CRISPLD2: variants seen among roughly 807,000 people sequenced by gnomAD.
CRISPLD2 encodes cysteine-rich secretory protein LCCL domain-containing 2.
Under a neutral mutation model 71.1 loss-of-function variants are expected in CRISPLD2, and 47 were observed. The observed-to-expected ratio is 0.66, with a 90% CI of 0.52 to 0.84. The LOEUF (loss-of-function observed/expected upper bound fraction) is 0.84. Ranked by LOEUF, CRISPLD2 falls within the 40% of genes least tolerant of loss-of-function variation. The probability of loss-of-function intolerance (pLI) is 0.00; values close to 1 mark genes in which losing one functional copy is unlikely to be tolerated. For synonymous variants in CRISPLD2, 317 were observed against 250.1 expected, an observed-to-expected ratio of 1.27 and a Z score of -2.52; for missense variants, 830 against 651.1, an observed-to-expected ratio of 1.27 and a Z score of -2.99.
intron 2 of CRISPLD2, among the ~76,000 whole-genome samples, chr16:84,842,439 A>G (rs1197471188): frequency 7.0e-6 from 1 of 142,744 alleles, no homozygotes; most frequent in Non-Finnish European, 1.5e-5. Context: ...CAGTGGTGCT[A>G]TCTCGGCTCA....
intron 3 of CRISPLD2, among the ~76,000 whole-genome samples, chr16:84,849,009 G>A (rs531411277): frequency 1.3e-5 from 2 of 150,652 alleles, no homozygotes; most frequent in South Asian, 4.2e-4. Context: ...AAAAAGAAAG[G>A]ACTCATTAAG....
chr16:84,880,356 A>G (rs1424352124), intron 12 of CRISPLD2, among the ~76,000 whole-genome samples, 153 bp from the exon 13 acceptor site: 1 of 151,866 alleles, frequency 6.6e-6, no homozygotes. Context: ...CTGAGGGGGG[A>G]GAAGTATTGT....
intron 4 of CRISPLD2, 32 bp from the exon 5 acceptor site, chr16:84,850,536 C>G (rs372647970): frequency 3.8e-6 from 6 of 1,584,578 alleles, no homozygotes; most frequent in African/African-American, 2.7e-5. Context: ...CCTTATCCCT[C>G]GAGCTGTGAC....
chr16:84,825,478 C>T (rs943587264), intron 1 of CRISPLD2, among the ~76,000 whole-genome samples: 1 of 152,142 alleles, frequency 6.6e-6, no homozygotes, highest in Non-Finnish European at 1.5e-5. Flanking sequence ...AAGAAAGGCC[C>T]AGCGCAGTGG....
chr16:84,902,362 C>T (rs1005095169), intron 14 of CRISPLD2, among the ~76,000 whole-genome samples: 6 of 151,828 alleles, frequency 4.0e-5, no homozygotes, highest in Admixed American at 3.9e-4. Context: ...GTAATTCCAG[C>T]ACTTTGGGAG....
intron 2 of CRISPLD2, chr16:84,839,013 G>A (rs1916703252): frequency 1.8e-6 from 1 of 559,364 alleles, no homozygotes; most frequent in African/African-American, 1.8e-5. Context: ...AGCCTCCCAA[G>A]TAGCTGGAAC....
chr16:84,882,584 T>C (rs1567700282), intron 13 of CRISPLD2, among the ~76,000 whole-genome samples: 1 of 152,076 alleles, frequency 6.6e-6, no homozygotes, highest in Non-Finnish European at 1.5e-5. Flanking sequence ...TTTGTATTTT[T>C]AGTAGAGACG....
chr16:84,855,311 A>C (rs937364367), intron 6 of CRISPLD2, among the ~76,000 whole-genome samples: 1 of 152,166 alleles, frequency 6.6e-6, no homozygotes, highest in Non-Finnish European at 1.5e-5. Context: ...TTTATTAAGG[A>C]GTATTAAACT....
chr16:84,844,634 A>T (rs1355713871), intron 2 of CRISPLD2, among the ~76,000 whole-genome samples: 2 of 151,944 alleles, frequency 1.3e-5, no homozygotes, highest in African/African-American at 4.8e-5. Flanking sequence ...AAGTTCTGGG[A>T]TTACAGGCGT....
chr16:84,903,922 G>A (rs1012230889), intron 14 of CRISPLD2, among the ~76,000 whole-genome samples: 1 of 152,248 alleles, frequency 6.6e-6, no homozygotes, highest in Non-Finnish European at 1.5e-5. Flanking sequence ...TCCTGTGGCT[G>A]GAAGTTCTAC....
chr16:84,890,109 A>C (rs1478116852), intron 14 of CRISPLD2, among the ~76,000 whole-genome samples: 1 of 152,202 alleles, frequency 6.6e-6, no homozygotes, highest in African/African-American at 2.4e-5. Flanking sequence ...CTGTAATCCC[A>C]GCACTTTGGG....
chr16:84,868,766 TCCAGAATGTCCC>T, intron 7 of CRISPLD2, 73 bp from the exon 8 acceptor site: 1 of 1,094,070 alleles, frequency 9.1e-7, no homozygotes, highest in Non-Finnish European at 1.4e-6. Context: ...TGCAGAATGT[TCCAGAATGTCCC>T]TCAGCATGGG....
chr16:84,845,684 G>T, intron 2 of CRISPLD2, 102 bp from the exon 3 acceptor site: 1 of 799,044 alleles, frequency 1.3e-6, no homozygotes. Flanking sequence ...AGCATTGGCT[G>T]TAGGCTCCAC....
At chr16:84,861,699 T>G (rs1221358651) in intron 6 of CRISPLD2, among the ~76,000 whole-genome samples, 1 of 152,090 alleles carries the variant, frequency 6.6e-6, no homozygotes, top group African/African-American at 2.4e-5. Flanking sequence ...CACTCAGTAT[T>G]AACCATCACA....
In CRISPLD2 at chr16:84,859,835, G is replaced by T. The variant is rs148291023; in HGVS notation, c.709+5006G>T. On this transcript the variant is annotated intron_variant, in intron 6 of 14. Coordinates refer to ENST00000262424, the MANE Select transcript of CRISPLD2 (RefSeq NM_031476.4). ...CCCACCTTACTTTTGATGGTTGAGT[G>T]CTGCCACTTGGCCCCTGCCACCTTG... Among the ~76,000 whole-genome samples the T allele has an allele frequency of 5.8e-3, 877 of 152,316 alleles. 14 individuals carry two copies. The highest frequency in any genetic ancestry group is 0.02 in the African/African-American group (849 of 41,570).
intron 3 of CRISPLD2, among the ~76,000 whole-genome samples, chr16:84,846,496 C>G (rs1250365166): frequency 6.6e-6 from 1 of 152,148 alleles, no homozygotes; most frequent in East Asian, 1.9e-4. Context: ...TCAAGTGATC[C>G]ACCCACGTTG....
intron 14 of CRISPLD2, among the ~76,000 whole-genome samples, chr16:84,891,142 A>AT (rs1385154686): frequency 6.6e-6 from 1 of 152,192 alleles, no homozygotes; most frequent in Non-Finnish European, 1.5e-5. Flanking sequence ...ACATTAACAT[A>AT]TGGATTTTGA....
At chr16:84,857,072 A>T (rs1917259906) in intron 6 of CRISPLD2, among the ~76,000 whole-genome samples, 1 of 152,128 alleles carries the variant, frequency 6.6e-6, no homozygotes, top group African/African-American at 2.4e-5. Context: ...CTGGCTGATC[A>T]CCCCGAGGAA....
chr16:84,834,265 G>T (rs1243773988), intron 1 of CRISPLD2, among the ~76,000 whole-genome samples: 3 of 152,232 alleles, frequency 2.0e-5, no homozygotes, highest in Non-Finnish European at 2.9e-5. Context: ...CGCCCTGAGG[G>T]TTGCTGGCGT....
Sources: allele counts gnomAD v4.1 joint callset (sites outside exome capture counted in the v4.1 genomes callset), GRCh38; gene constraint gnomAD v4.1.1; transcripts MANE v1.5; gene names NCBI Gene and HGNC (gene_info 2026-07-23, HGNC 2026-07-21).